The following FAT4 variants were observed in gnomAD, a reference collection of about 807,000 sequenced individuals.
FAT4 encodes the protein FAT atypical cadherin 4.
In FAT4, 84 loss-of-function variants were observed where a neutral mutation model predicts 303.9. The observed-to-expected ratio is 0.28, with a 90% confidence interval of 0.23 to 0.33. The LOEUF (loss-of-function observed/expected upper bound fraction) is 0.33. Among genes scored for constraint, FAT4 ranks in the 10% least tolerant of loss-of-function variants. The probability of loss-of-function intolerance (pLI) is 1.00; values close to 1 mark genes in which losing one functional copy is unlikely to be tolerated. For synonymous variants in FAT4, 2,307 were observed against 2,298.8 expected (o/e 1.00, Z -0.10); for missense variants, 6,005 against 6,146.8 (o/e 0.98, Z 0.77).
intron 8 of FAT4, among the ~76,000 whole-genome samples, chr4:125,440,905 C>T (rs1725638224): frequency 1.3e-5 from 2 of 151,988 alleles, no homozygotes; most frequent in Admixed American, 6.6e-5. Flanking sequence ...AGGGTCATCC[C>T]CTCTCTTATA....
chr4:125,327,688 A>T (rs1178935506), intron 2 of FAT4, among the ~76,000 whole-genome samples: 2 of 152,112 alleles, frequency 1.3e-5, no homozygotes, highest in Non-Finnish European at 2.9e-5. Flanking sequence ...TATAGACATA[A>T]CTCATCTTCC....
chr4:125,433,152 T>G (rs1395233), intron 7 of FAT4, among the ~76,000 whole-genome samples: 66,124 of 151,918 alleles, frequency 0.44, 14,561 homozygotes, highest in Non-Finnish European at 0.46. Flanking sequence ...AATAATATGG[T>G]AAGGTTGTGA....
intron 2 of FAT4, among the ~76,000 whole-genome samples, chr4:125,382,571 A>G (rs2125999952): frequency 6.6e-6 from 1 of 152,296 alleles, no homozygotes; most frequent in Non-Finnish European, 1.5e-5. Flanking sequence ...GAGCAGGTAG[A>G]GTAGACATAG....
At position 125,451,224 on chromosome 4, in the gene FAT4, T is replaced by C. The variant is rs1726055610; in HGVS notation, c.10214T>C (p.Ile3405Thr). 2 of 1,614,042 alleles carry C rather than the reference T, an allele frequency of 1.2e-6. No homozygotes were observed. Among genetic ancestry groups the C allele is most frequent in the African/African-American group, 1.3e-5 (1 of 75,014 alleles). ...GTGCTTGATGCAAATGACCCACCCA[T>C]TTTTACTCTAAACATCTACAGTGTG... ...VTVLDANDPP[I>T]FTLNIYSVQI... The change falls in exon 10 of 18, where the codon ATT becomes ACT. Residue 3405 changes from isoleucine (I) to threonine (T), a missense_variant. Physicochemically the swap from Ile to Thr is moderately conservative, Grantham distance 89. Coordinates refer to ENST00000394329, the MANE Select transcript of FAT4 (RefSeq NM_001291303.3).
intron 2 of FAT4, among the ~76,000 whole-genome samples, chr4:125,355,302 A>G (rs114225627): frequency 6.6e-4 from 100 of 152,124 alleles, no homozygotes; most frequent in African/African-American, 2.3e-3. Context: ...AGAGTTGGCT[A>G]GTTATAACAG....
Position 125,320,028 on chromosome 4 carries a change from A to G in FAT4, c.3617A>G (p.Asn1206Ser), listed in dbSNP as rs1179614180. ...GTTTACATGAAGGATATAAATGATAATGCTCCCAAATTTTTAAAAGACTTT... is the reference window on the plus strand; with the variant it reads ...GTTTACATGAAGGATATAAATGATAGTGCTCCCAAATTTTTAAAAGACTTT... ...VHVYMKDIND[N>S]APKFLKDFYQ... Residue 1206 changes from asparagine to serine, a missense_variant, in exon 2 of 18, where the codon AAT becomes AGT. Physicochemically the swap from Asn to Ser is conservative, Grantham distance 46. Transcript: ENST00000394329. 2 of 1,613,348 alleles carry G rather than the reference A, an allele frequency of 1.2e-6. No individual in the cohort carries two copies. The highest frequency in any genetic ancestry group is 4.5e-5 in the East Asian group (2 of 44,888).
At chr4:125,430,938 G>T (rs1725262546) in intron 7 of FAT4, among the ~76,000 whole-genome samples, 2 of 152,238 alleles carry the variant, frequency 1.3e-5, no homozygotes, top group South Asian at 4.1e-4. Flanking sequence ...GATATTCTTT[G>T]GTATGAACAC....
At position 125,379,126 on chromosome 4, in the gene FAT4, T is replaced by C. The variant is rs146017894; in HGVS notation, c.5176-19658T>C. On this transcript the variant is annotated intron_variant, in intron 2 of 17. Transcript: ENST00000394329. ...CAGTTGCTTGGAAGCATAAAGCTTT[T>C]TAATGTCTTTGTTTTGACAAAGAAT... is the stretch of plus-strand genomic sequence containing the variant. Among the ~76,000 whole-genome samples the C allele has an allele frequency of 1.5e-3, 235 of 152,300 alleles. 1 individual carries two copies. Among genetic ancestry groups the C allele is most frequent in the African/African-American group, 5.2e-3 (215 of 41,580 alleles).
At chr4:125,363,783 C>T (rs1279664010) in intron 2 of FAT4, among the ~76,000 whole-genome samples, 2 of 152,038 alleles carry the variant, frequency 1.3e-5, no homozygotes, top group Non-Finnish European at 2.9e-5. Flanking sequence ...TGTGAGCCAC[C>T]GTGCCTGGCC....
chr4:125,431,046 A>T (rs6850220), intron 7 of FAT4, among the ~76,000 whole-genome samples: 127,748 of 147,778 alleles, frequency 0.86, 53,871 homozygotes, highest in African/African-American at 0.92. Context: ...GTAATGTATC[A>T]ACAGTAGTAA....
At position 125,321,054 on chromosome 4, in the gene FAT4, C is replaced by A. The variant is rs781667362; in HGVS notation, c.4643C>A (p.Thr1548Lys). Residue 1548 changes from threonine (T) to lysine (K), a missense_variant, in exon 2 of 18, where the codon ACA (threonine) becomes AAA (lysine). By Grantham distance (78) the Thr-to-Lys change is moderately conservative (BLOSUM62 -1). Coordinates refer to ENST00000394329, the MANE Select transcript of FAT4 (RefSeq NM_001291303.3). Reference protein sequence around the residue: ...DPSAVIGSVLTTIMAADPDEG... With the variant: ...DPSAVIGSVLKTIMAADPDEG... The stretch of plus-strand genomic sequence containing the variant: ...TCAGCTGTGATTGGTTCCGTTCTGA[C>A]AACAATTATGGCTGCTGACCCAGAT... The A allele has an allele frequency of 1.1e-5, 18 of 1,614,126 alleles. No homozygotes were observed. In the East Asian group the frequency reaches 4.0e-4, roughly 36 times the overall value.
intron 15 of FAT4, among the ~76,000 whole-genome samples, 169 bp from the exon 16 acceptor site, chr4:125,481,352 T>G (rs2126086992): frequency 6.6e-6 from 1 of 152,352 alleles, no homozygotes; most frequent in Non-Finnish European, 1.5e-5. Context: ...TGAAATCAAC[T>G]TATATAATGA....
chr4:125,477,357 T>G (rs923692601), intron 14 of FAT4, 23 bp downstream of exon 14: 1 of 1,518,306 alleles, frequency 6.6e-7, no homozygotes, highest in South Asian at 1.3e-5. Flanking sequence ...TATTTCTTAC[T>G]GTTTTAAAGA....
chr4:125,341,580 G>C (rs572269318), intron 2 of FAT4, among the ~76,000 whole-genome samples: 113 of 152,016 alleles, frequency 7.4e-4, no homozygotes, highest in African/African-American at 2.7e-3. Flanking sequence ...TCTTTTTAAA[G>C]TTCTGACTGT....
intron 2 of FAT4, among the ~76,000 whole-genome samples, chr4:125,375,183 A>G (rs992601838): frequency 1.3e-5 from 2 of 152,196 alleles, no homozygotes; most frequent in African/African-American, 4.8e-5. Flanking sequence ...CAACCACAAA[A>G]CCAAAGAAAG....
chr4:125,448,903 T>A lies in FAT4; in HGVS notation c.7893T>A (p.Phe2631Leu). The A allele has an allele frequency of 6.2e-7, 1 of 1,611,724 alleles. No individual in the cohort carries two copies. The highest frequency in any genetic ancestry group is 8.5e-7 in the Non-Finnish European group (1 of 1,179,470). ...GQVSISQPLD[F>L]EKIQKYVVWI... ...TGTCTATTAGTCAACCTCTGGATTT[T>A]GAAAAGATACAAAAATATGTTGTAT... The change falls in exon 10 of 18, where the codon TTT becomes TTA. Residue 2631 changes from phenylalanine to leucine, a missense_variant. Phe to Leu is a conservative substitution (Grantham distance 22). Transcript: ENST00000394329.
intron 5 of FAT4, among the ~76,000 whole-genome samples, chr4:125,409,930 A>C (rs1734780110): frequency 6.6e-6 from 1 of 152,158 alleles, no homozygotes; most frequent in Non-Finnish European, 1.5e-5. Flanking sequence ...GTCTCTATTG[A>C]CAGGCATATC....
At chr4:125,412,374 G>A (rs1734880389) in intron 5 of FAT4, among the ~76,000 whole-genome samples, 2 of 151,738 alleles carry the variant, frequency 1.3e-5, no homozygotes, top group South Asian at 2.1e-4. Flanking sequence ...CTATAATATG[G>A]CAATATTTTA....
Position 125,415,134 on chromosome 4 carries a change from A to C in FAT4, c.6171A>C (p.Thr2057=), listed in dbSNP as rs748908321. Residue 2057 remains threonine (T), a synonymous_variant, in exon 6 of 18, where the codon ACA becomes ACC. Coordinates refer to ENST00000394329, the MANE Select transcript of FAT4 (RefSeq NM_001291303.3). ...NPPTFLSPKL[T]YIPENTPIDT... ...CGACATTTCTTTCCCCTAAATTGAC[A>C]TACATTCCAGAAAATACACCTATTG... 3 of 1,614,084 alleles carry C rather than the reference A, an allele frequency of 1.9e-6. No individual in the cohort carries two copies. The East Asian group carries it at 6.7e-5, about 36-fold the overall frequency.
Sources: allele counts gnomAD v4.1 joint callset (sites outside exome capture counted in the v4.1 genomes callset), GRCh38; gene constraint gnomAD v4.1.1; transcripts MANE v1.5; gene names NCBI Gene and HGNC (gene_info 2026-07-23, HGNC 2026-07-21).